Variants in FAR2 observed in about 807,000 individuals in gnomAD.
FAR2 encodes the protein epididymis secretory protein Li 81.
In FAR2, 19 loss-of-function variants were observed where a neutral mutation model predicts 56.0. The ratio of observed to expected loss-of-function variants is 0.34; its 90% confidence interval spans 0.24 to 0.50. The LOEUF (loss-of-function observed/expected upper bound fraction) is 0.50, where lower values mean the gene tolerates loss of function less well. Ranked by LOEUF, FAR2 falls within the 20% of genes least tolerant of loss-of-function variation. The probability of loss-of-function intolerance (pLI) is 0.98; values close to 1 mark genes in which losing one functional copy is unlikely to be tolerated. For synonymous variants in FAR2, 219 were observed against 218.8 expected (o/e 1.00, Z -0.01); for missense variants, 508 against 642.2 (o/e 0.79, Z 2.26).
intron 1 of FAR2, among the ~76,000 whole-genome samples, chr12:29,254,856 G>A (rs1948290107): frequency 6.6e-6 from 1 of 151,844 alleles, no homozygotes; most frequent in Non-Finnish European, 1.5e-5. Flanking sequence ...GGGAGGCTGA[G>A]GCATGAGAAT....
intron 1 of FAR2, among the ~76,000 whole-genome samples, chr12:29,199,100 A>C (rs1947371101): frequency 6.6e-6 from 1 of 152,220 alleles, no homozygotes; most frequent in Non-Finnish European, 1.5e-5. Context: ...CCTGTTAAGG[A>C]AGCCAAAGGT....
intron 1 of FAR2, among the ~76,000 whole-genome samples, chr12:29,206,477 C>G (rs968201724): frequency 6.6e-6 from 1 of 152,208 alleles, no homozygotes; most frequent in Non-Finnish European, 1.5e-5. Context: ...GGGCACACAA[C>G]TTTCCCACAA....
At chr12:29,225,675 T>A (rs1295380363) in intron 1 of FAR2, among the ~76,000 whole-genome samples, 2 of 152,130 alleles carry the variant, frequency 1.3e-5, no homozygotes, top group Non-Finnish European at 2.9e-5. Context: ...ATGGGGCAAA[T>A]GCTTACTTGG....
rs572741474 is a variant in FAR2 at position 29,332,508 on chromosome 12, G to A, written c.1258-92G>A. The A allele has an allele frequency of 3.0e-5, 46 of 1,550,316 alleles. No individual in the cohort carries two copies. The African/African-American group carries it at 6.0e-4, about 20-fold the overall frequency. Reference sequence around the variant, plus strand: ...TCCAACCTATGTCTCCCAAATTGAAGGTCACTCGTCTATGTAGAAGAAACC... The same window carrying A: ...TCCAACCTATGTCTCCCAAATTGAAAGTCACTCGTCTATGTAGAAGAAACC... On this transcript the variant is annotated intron_variant, in intron 10 of 11. Coordinates refer to ENST00000536681, the MANE Select transcript of FAR2 (RefSeq NM_001271783.2).
At chr12:29,220,987 T>G (rs1224684315) in intron 1 of FAR2, among the ~76,000 whole-genome samples, 1 of 152,042 alleles carries the variant, frequency 6.6e-6, no homozygotes. Flanking sequence ...TTATCCACAT[T>G]GGGCTGCCAG....
intron 1 of FAR2, among the ~76,000 whole-genome samples, chr12:29,185,454 G>C (rs1950032668): frequency 6.6e-6 from 1 of 152,162 alleles, no homozygotes; most frequent in Non-Finnish European, 1.5e-5. Flanking sequence ...GAGGAAACAA[G>C]CACCAGAAAA....
chr12:29,199,745 C>G (rs918342428), intron 1 of FAR2, among the ~76,000 whole-genome samples: 27 of 152,070 alleles, frequency 1.8e-4, no homozygotes, highest in African/African-American at 6.3e-4. Flanking sequence ...AATGTGGAAG[C>G]GACACACGTG....
At position 29,268,786 on chromosome 12, in the gene FAR2, A is replaced by T. The variant is rs1043497404; in HGVS notation, c.-38-1626A>T. On this transcript the variant is annotated intron_variant, in intron 1 of 11. Coordinates refer to ENST00000536681, the MANE Select transcript of FAR2 (RefSeq NM_001271783.2). Reference sequence around the variant, plus strand: ...GAAATAAAGGGACAGAGTACAAAAGAGAGAAATTTTAAAGCTGGGCATCCG... The same window carrying T: ...GAAATAAAGGGACAGAGTACAAAAGTGAGAAATTTTAAAGCTGGGCATCCG... Among the ~76,000 whole-genome samples the T allele has an allele frequency of 9.9e-5, 15 of 152,184 alleles. No individual in the cohort carries two copies. The South Asian group carries it at 1.0e-3, about 10-fold the overall frequency.
chr12:29,281,571 G>A (rs1405320453), intron 2 of FAR2: 2 of 152,238 alleles, frequency 1.3e-5, no homozygotes, highest in East Asian at 1.9e-4. Context: ...AAACTAATGG[G>A]TGTTTTAGGT....
intron 1 of FAR2, among the ~76,000 whole-genome samples, chr12:29,257,013 G>T (rs964255666): frequency 6.6e-6 from 1 of 152,232 alleles, no homozygotes; most frequent in African/African-American, 2.4e-5. Context: ...ACCACCCAAG[G>T]ACTGAGGAGT....
chr12:29,291,339 A>T (rs1463204775), intron 2 of FAR2: 1 of 455,096 alleles, frequency 2.2e-6, no homozygotes, highest in African/African-American at 2.0e-5. Flanking sequence ...TACACACAAA[A>T]CTACTGAGCC....
intron 9 of FAR2, 97 bp downstream of exon 9, chr12:29,317,109 C>A: frequency 1.5e-6 from 2 of 1,308,064 alleles, no homozygotes; most frequent in Non-Finnish European, 2.1e-6. Context: ...TTAAAGGAGA[C>A]AACTGAATCT....
At position 29,270,710 on chromosome 12, in the gene FAR2, A is replaced by G. The variant is rs911308746; in HGVS notation, c.189+72A>G. ...AGATGATTCACTACAATGTTCTCTT[A>G]TAGTCTCATATTGCAAGTGGGGACC... On this transcript the variant is annotated intron_variant, in intron 2 of 11. Coordinates refer to ENST00000536681, the MANE Select transcript of FAR2 (RefSeq NM_001271783.2). The G allele has an allele frequency of 4.5e-5, 60 of 1,327,476 alleles. No individual in the cohort carries two copies. The Admixed American group carries it at 1.4e-3, about 32-fold the overall frequency. The allele number at this position is 1,327,476 out of a possible 1,614,324, so 82.2% of individuals were successfully genotyped here. A position where few individuals can be genotyped will look rare whatever the true frequency, so the allele number is the denominator to read the frequency against.
At chr12:29,291,761 C>T (rs750457997) in intron 2 of FAR2, among the ~76,000 whole-genome samples, 78 of 152,322 alleles carry the variant, frequency 5.1e-4, no homozygotes, top group Non-Finnish European at 9.3e-4. Flanking sequence ...CTATTCAGGA[C>T]ATGGCACTAT....
chr12:29,191,801 G>A (rs1708267246), intron 1 of FAR2, among the ~76,000 whole-genome samples: 2 of 152,180 alleles, frequency 1.3e-5, no homozygotes, highest in African/African-American at 4.8e-5. Context: ...TTCAGGGAGA[G>A]TAACTTGAAC....
At chr12:29,274,548 G>A (rs1293088994) in intron 2 of FAR2, among the ~76,000 whole-genome samples, 9 of 151,788 alleles carry the variant, frequency 5.9e-5, no homozygotes, top group East Asian at 3.9e-4. Context: ...TAATCCTTTG[G>A]GTATTGTCAG....
At chr12:29,214,640 G>A (rs1263921999) in intron 1 of FAR2, among the ~76,000 whole-genome samples, 3 of 151,914 alleles carry the variant, frequency 2.0e-5, no homozygotes, top group African/African-American at 4.8e-5. Context: ...TGACCAACAT[G>A]GTAAAATCCA....
At chr12:29,170,964 G>A (rs1949880000) in intron 1 of FAR2, among the ~76,000 whole-genome samples, 1 of 152,246 alleles carries the variant, frequency 6.6e-6, no homozygotes, top group Non-Finnish European at 1.5e-5. Flanking sequence ...TCCCCCAGAG[G>A]TTAGGAACTC....
At position 29,302,765 on chromosome 12, in the gene FAR2, G is replaced by A. The variant is rs531755687; in HGVS notation, c.546-4893G>A. 4.6e-5 allele frequency among the ~76,000 whole-genome samples: 7 copies of A among 152,138 alleles called. No homozygotes were observed. In the South Asian group the frequency reaches 8.3e-4, roughly 18 times the overall value. On this transcript the variant is annotated intron_variant, in intron 4 of 11. Transcript: ENST00000536681. The stretch of plus-strand genomic sequence containing the variant: ...AGGAATATTAATATAGCCAGGGGCC[G>A]GGGGAGGCAGTGGATTAGCATAGGG...
Sources: allele counts gnomAD v4.1 joint callset (sites outside exome capture counted in the v4.1 genomes callset), GRCh38; gene constraint gnomAD v4.1.1; transcripts MANE v1.5; gene names NCBI Gene and HGNC (gene_info 2026-07-23, HGNC 2026-07-21).